The following POTEG variants were observed in gnomAD, a reference collection of about 807,000 sequenced individuals.
The protein encoded by POTEG is ANKRD26-like family C member 2.
Under a neutral mutation model 49.6 loss-of-function variants are expected in POTEG, and 2 were observed. That is an observed-to-expected ratio of 0.04 (90% CI 0.02 to 0.13). POTEG has a LOEUF of 0.13. Ranked by LOEUF, POTEG falls within the 10% of genes least tolerant of loss-of-function variation. The pLI is 1.00. For missense variants in POTEG, 26 were observed against 545.2 expected (o/e 0.05, Z 9.48); for synonymous variants, 7 against 186.6 (o/e 0.04, Z 7.84).
intron 7 of POTEG, among the ~76,000 whole-genome samples, chr14:19,415,829 A>ATTTTTTTTTTTTTTTTTTTTTTTTT (rs58833974): frequency 1.0e-5 from 1 of 96,702 alleles, no homozygotes. Context: ...ATCTATTAAA[A>ATTTTTTTTTTTTTTTTTTTTTTTTT]TTTTTTTTTT....
rs1221768404 is a variant in POTEG, at chr14:19,425,803, C to T, written c.811-91G>A. 252 of 190,798 alleles carry T rather than the reference C, an allele frequency of 1.3e-3. 8 individuals carry two copies. Among genetic ancestry groups the T allele is most frequent in the Middle Eastern group, 8.5e-3 (6 of 702 alleles). The allele number at this position is 190,798 out of a possible 1,614,324, so 11.8% of individuals were successfully genotyped here. On this transcript the variant is annotated intron_variant, in intron 3 of 10. Transcript: ENST00000547848. The stretch of plus-strand genomic sequence containing the variant: ...GAAACTTTATATAAGATCTTATGGA[C>T]TTACATGCATAGAAAGTAAATAAAA...
intron 4 of POTEG, chr14:19,424,542 A>G (rs61971039): frequency 0.39 from 42,099 of 107,650 alleles, 3,625 homozygotes; most frequent in Non-Finnish European, 0.46. Flanking sequence ...CTACTAATTT[A>G]AAGTCCTTTG....
chr14:19,432,451 TATATATAC>T (rs1255787345), intron 1 of POTEG, among the ~76,000 whole-genome samples: 2 of 68,738 alleles, frequency 2.9e-5, no homozygotes, highest in Non-Finnish European at 4.5e-5. Flanking sequence ...TATATACATA[TATATATAC>T]ATATATACAT....
At chr14:19,432,396 ATATATATACACACACATG>A (rs1884179319) in intron 1 of POTEG, among the ~76,000 whole-genome samples, 1 of 93,458 alleles carries the variant, frequency 1.1e-5, no homozygotes, top group Non-Finnish European at 2.3e-5. Flanking sequence ...ATATATATAT[ATATATATACACACACATG>A]TATATATATG....
intron 6 of POTEG, among the ~76,000 whole-genome samples, chr14:19,417,338 T>C (rs1374870801): frequency 8.6e-5 from 11 of 128,506 alleles, no homozygotes; most frequent in Admixed American, 4.0e-4. Flanking sequence ...CTCAGAAAAT[T>C]TGTATTGAGT....
At chr14:19,426,374 C>A (rs1170359212) in intron 3 of POTEG, among the ~76,000 whole-genome samples, 1 of 149,010 alleles carries the variant, frequency 6.7e-6, no homozygotes, top group African/African-American at 2.5e-5. Context: ...GCTGATTATG[C>A]CAAAGCTCTA....
rs1594284647 is a variant in POTEG, at chr14:19,433,266, A to G, written c.521+503T>C. The stretch of plus-strand genomic sequence containing the variant: ...TTCAGAAAATTCAATCTTCCTATTC[A>G]AGCACAAGAACCATCTTCCCATTTC... On this transcript the variant is annotated intron_variant, in intron 1 of 10. Coordinates refer to ENST00000547848, the MANE Select transcript of POTEG (RefSeq NM_001005356.3). 3.3e-5 allele frequency among the ~76,000 whole-genome samples: 4 copies of G among 121,488 alleles called. No homozygotes were observed. The South Asian group carries it at 8.8e-4, about 27-fold the overall frequency. 79.7% of individuals were successfully genotyped at this position (121,488 alleles called of 152,430 possible).
chr14:19,406,654 T>C (rs1256951938), intron 9 of POTEG, among the ~76,000 whole-genome samples: 11 of 150,214 alleles, frequency 7.3e-5, no homozygotes, highest in African/African-American at 2.5e-4. Flanking sequence ...CAACAACCTA[T>C]ACAATGGGAA....
chr14:19,432,403 T>TATATATATACACACAC (rs1330765784), intron 1 of POTEG, among the ~76,000 whole-genome samples: 2 of 44,732 alleles, frequency 4.5e-5, no homozygotes, highest in African/African-American at 8.5e-5. Flanking sequence ...TATATATATA[T>TATATATATACACACAC]ACACACACAT....
chr14:19,408,852 ACT>A (rs1335518256), intron 9 of POTEG, among the ~76,000 whole-genome samples: 1 of 150,516 alleles, frequency 6.6e-6, no homozygotes, highest in African/African-American at 2.4e-5. Context: ...ACAGAGCGAG[ACT>A]CTATCTCTAA....
chr14:19,432,412 A>ACACACG (rs1491152115), intron 1 of POTEG, among the ~76,000 whole-genome samples: 1 of 90,382 alleles, frequency 1.1e-5, no homozygotes, highest in African/African-American at 4.5e-5. Flanking sequence ...ATACACACAC[A>ACACACG]TGTATATATA....
At chr14:19,432,366 G>GTGTGTGTATATA (rs1555310346) in intron 1 of POTEG, among the ~76,000 whole-genome samples, 5 of 37,874 alleles carry the variant, frequency 1.3e-4, no homozygotes, top group African/African-American at 6.0e-4. Context: ...AAGAAATTTT[G>GTGTGTGTATATA]TATATATATA....
Position 19,429,029 on chromosome 14 carries a change from C to A in POTEG, c.522-40G>T, listed in dbSNP as rs548249030. On this transcript the variant is annotated intron_variant, in intron 1 of 10. Coordinates refer to ENST00000547848, the MANE Select transcript of POTEG (RefSeq NM_001005356.3). The stretch of plus-strand genomic sequence containing the variant: ...AGACTTTTTAGGAAATTGTAGTGCA[C>A]TAGCTACAGCCATATCAATGACACA... The A allele has an allele frequency of 3.9e-6, 3 of 766,616 alleles. 1 individual carries two copies. The East Asian group carries it at 1.3e-4, about 34-fold the overall frequency. 47.5% of individuals were successfully genotyped at this position (766,616 alleles called of 1,614,324 possible). A position where few individuals can be genotyped will look rare whatever the true frequency, so the allele number is the denominator to read the frequency against.
At chr14:19,416,181 C>G in intron 7 of POTEG, 107 bp downstream of exon 7, 1 of 991,368 alleles carries the variant, frequency 1.0e-6, no homozygotes, top group African/African-American at 1.7e-5. Context: ...ATTCTCAAAG[C>G]CTAGTCTCAA....
chr14:19,414,282 C>T (rs1566376023), intron 8 of POTEG, among the ~76,000 whole-genome samples: 1 of 143,846 alleles, frequency 7.0e-6, no homozygotes, highest in Non-Finnish European at 1.6e-5. Flanking sequence ...CAGACTAAAA[C>T]CAAGAAAGAT....
At position 19,413,482 on chromosome 14, in the gene POTEG, CAT is replaced by C. The variant is rs1204889768; in HGVS notation, c.1279_1280del (p.Met427GlyfsTer8). ...CGTTAGGCAGGTTTTCTGGGAATCC[CAT>C]ATGAGTACTTCCGTGCTTCTTCATT... ...EEMKKHGSTH[M>X]GFPENLPNGA... On this transcript the variant is annotated frameshift_variant, in exon 9 of 11. Coordinates refer to ENST00000547848, the MANE Select transcript of POTEG (RefSeq NM_001005356.3). LOFTEE classifies it high-confidence loss of function. 5 of 1,279,342 alleles carry C rather than the reference CAT, an allele frequency of 3.9e-6. No homozygotes were observed. Among genetic ancestry groups the C allele is most frequent in the South Asian group, 1.5e-5 (1 of 66,014 alleles). 79.2% of individuals were successfully genotyped at this position (1,279,342 alleles called of 1,614,324 possible).
chr14:19,414,770 A>G (rs558335813), intron 7 of POTEG, among the ~76,000 whole-genome samples, 164 bp from the exon 8 acceptor site: 2 of 147,238 alleles, frequency 1.4e-5, no homozygotes, highest in South Asian at 4.4e-4. Flanking sequence ...AATAATAATT[A>G]AAATTAAGAT....
chr14:19,408,748 TCTC>T (rs1883357965), intron 9 of POTEG, among the ~76,000 whole-genome samples: 1 of 152,418 alleles, frequency 6.6e-6, no homozygotes. Context: ...TGTAATCCCA[TCTC>T]CTCAGGTGGC....
At chr14:19,433,225 C>T (rs2139185369) in intron 1 of POTEG, among the ~76,000 whole-genome samples, 1 of 141,372 alleles carries the variant, frequency 7.1e-6, no homozygotes, top group African/African-American at 2.7e-5. Flanking sequence ...CCACGCCCAG[C>T]CAAAAAGCTC....
Sources: gnomAD v4.1 joint callset for allele counts (sites outside exome capture counted in the v4.1 genomes callset) on GRCh38, gnomAD v4.1.1 for gene constraint, MANE v1.5 for transcripts, NCBI Gene and HGNC (gene_info 2026-07-23, HGNC 2026-07-21) for gene names.